STAG1: variants seen among roughly 807,000 people sequenced by gnomAD.
STAG1 encodes STAG1 cohesin complex component, also known as cohesin subunit SA-1.
Under a neutral mutation model 170.9 loss-of-function variants are expected in STAG1, and 26 were observed. That is an observed-to-expected ratio of 0.15 (90% confidence interval 0.11 to 0.21). The LOEUF is 0.21. Ranked by LOEUF, STAG1 falls within the 10% of genes least tolerant of loss-of-function variation. STAG1 has a pLI of 1.00. For missense variants in STAG1, 964 were observed against 1,509.5 expected (o/e 0.64, Z 5.99); for synonymous variants, 514 against 497.7 (o/e 1.03, Z -0.44).
chr3:136,645,598 CTTTAT>C (rs1351305838), intron 1 of STAG1, among the ~76,000 whole-genome samples: 5 of 152,196 alleles, frequency 3.3e-5, no homozygotes, highest in Admixed American at 6.5e-5. Flanking sequence ...CAAGTAACTG[CTTTAT>C]TTTAATTTGC....
chr3:136,544,793 C>G (rs547252934), intron 5 of STAG1, among the ~76,000 whole-genome samples: 4 of 151,972 alleles, frequency 2.6e-5, no homozygotes, highest in Non-Finnish European at 5.9e-5. Context: ...TTATGACACA[C>G]CATTCTTGCT....
chr3:136,721,438 G>A (rs1210248252), intron 1 of STAG1: 5 of 151,946 alleles, frequency 3.3e-5, no homozygotes, highest in African/African-American at 7.3e-5. Flanking sequence ...TTAGTACAGA[G>A]GCCATGCTAA....
intron 15 of STAG1, among the ~76,000 whole-genome samples, chr3:136,437,191 G>A (rs999886263): frequency 3.9e-5 from 6 of 152,212 alleles, no homozygotes; most frequent in Non-Finnish European, 7.3e-5. Flanking sequence ...TATAGTGGGA[G>A]TAAAATTCAC....
At chr3:136,583,089 T>C (rs1164177900) in intron 4 of STAG1, among the ~76,000 whole-genome samples, 2 of 152,176 alleles carry the variant, frequency 1.3e-5, no homozygotes, top group African/African-American at 4.8e-5. Flanking sequence ...AATATTGAAA[T>C]GAATTATTTT....
At chr3:136,658,474 C>A (rs1051095023) in intron 1 of STAG1, among the ~76,000 whole-genome samples, 21 of 151,720 alleles carry the variant, frequency 1.4e-4, no homozygotes, top group Non-Finnish European at 2.6e-4. Context: ...AACCAAAAAA[C>A]CAAATATAAC....
chr3:136,718,687 G>T (rs902710606), intron 1 of STAG1, among the ~76,000 whole-genome samples: 1 of 152,188 alleles, frequency 6.6e-6, no homozygotes, highest in Non-Finnish European at 1.5e-5. Flanking sequence ...CACTTTGGGA[G>T]GCCAAGGTGG....
intron 1 of STAG1, among the ~76,000 whole-genome samples, chr3:136,690,854 G>C (rs948946823): frequency 6.6e-6 from 1 of 151,632 alleles, no homozygotes; most frequent in Non-Finnish European, 1.5e-5. Context: ...TTCTTTGGTG[G>C]ATTTGACTAG....
chr3:136,743,441 A>C (rs1934780874), intron 1 of STAG1, among the ~76,000 whole-genome samples: 1 of 152,134 alleles, frequency 6.6e-6, no homozygotes, highest in African/African-American at 2.4e-5. Flanking sequence ...CAGACATTAG[A>C]AGGATAGCAA....
At chr3:136,519,849 G>A (rs945218973) in intron 7 of STAG1, among the ~76,000 whole-genome samples, 3 of 151,984 alleles carry the variant, frequency 2.0e-5, no homozygotes, top group Admixed American at 1.3e-4. Context: ...TGTGTCTGAT[G>A]TATGTTCTAC....
At chr3:136,588,853 T>C (rs1307030124) in intron 4 of STAG1, among the ~76,000 whole-genome samples, 2 of 152,110 alleles carry the variant, frequency 1.3e-5, no homozygotes, top group Non-Finnish European at 2.9e-5. Flanking sequence ...AACCTCCGCT[T>C]CCAGCTTCAA....
At chr3:136,453,590 C>CAAA (rs34324239) in intron 13 of STAG1, among the ~76,000 whole-genome samples, 5 of 98,430 alleles carry the variant, frequency 5.1e-5, no homozygotes, top group Non-Finnish European at 4.3e-5. Flanking sequence ...GACTATGTCT[C>CAAA]AAAAAAAAAA....
chr3:136,419,766 A>T (rs773416665), intron 20 of STAG1, among the ~76,000 whole-genome samples: 5 of 151,846 alleles, frequency 3.3e-5, no homozygotes, highest in Non-Finnish European at 7.4e-5. Flanking sequence ...CCTGGTCCCA[A>T]ATCTTATTTC....
At chr3:136,485,977 G>T (rs2090002920) in intron 9 of STAG1, among the ~76,000 whole-genome samples, 1 of 152,150 alleles carries the variant, frequency 6.6e-6, no homozygotes, top group Non-Finnish European at 1.5e-5. Context: ...GAATATTCTT[G>T]TATGTTTCTC....
chr3:136,380,611 CAGT>C (rs1937901989), intron 22 of STAG1, among the ~76,000 whole-genome samples: 1 of 152,030 alleles, frequency 6.6e-6, no homozygotes, highest in Non-Finnish European at 1.5e-5. Flanking sequence ...AAAGATAAAG[CAGT>C]AGAACTGATA....
intron 28 of STAG1, among the ~76,000 whole-genome samples, chr3:136,352,240 C>T (rs1276636575): frequency 6.6e-6 from 1 of 152,202 alleles, no homozygotes; most frequent in East Asian, 1.9e-4. Flanking sequence ...TGGCTCACTG[C>T]AACCTCTGCC....
intron 1 of STAG1, among the ~76,000 whole-genome samples, chr3:136,739,516 A>G (rs1325194898): frequency 4.0e-5 from 6 of 149,076 alleles, no homozygotes; most frequent in Middle Eastern, 7.3e-3. Context: ...AAAAAAAAAA[A>G]AAAGAAAAAA....
At chr3:136,385,755 G>A (rs1253422883) in intron 22 of STAG1, among the ~76,000 whole-genome samples, 1 of 152,148 alleles carries the variant, frequency 6.6e-6, no homozygotes, top group African/African-American at 2.4e-5. Flanking sequence ...AGGCTGGAGT[G>A]CAGTGGCACA....
chr3:136,623,312 C>T lies in STAG1; in HGVS notation c.30-64G>A, dbSNP rs565617565. 1.4e-5 allele frequency: 20 copies of T among 1,440,272 alleles called. No individual in the cohort carries two copies. The African/African-American group carries it at 2.3e-4, about 16-fold the overall frequency. The allele number at this position is 1,440,272 out of a possible 1,614,324, so 89.2% of individuals were successfully genotyped here. A position where few individuals can be genotyped will look rare whatever the true frequency, so the allele number is the denominator to read the frequency against. On this transcript the variant is annotated intron_variant, in intron 2 of 33. Coordinates refer to ENST00000383202, the MANE Select transcript of STAG1 (RefSeq NM_005862.3). The stretch of plus-strand genomic sequence containing the variant: ...AGTATAATGCATTTCTGTTTCACTA[C>T]TTTCCTTACCACCTGCTATATGGCT...
At chr3:136,664,457 G>C (rs751001386) in intron 1 of STAG1, among the ~76,000 whole-genome samples, 1 of 152,090 alleles carries the variant, frequency 6.6e-6, no homozygotes, top group Non-Finnish European at 1.5e-5. Flanking sequence ...AATAAGGCAT[G>C]ATTATTTTAG....
Sources: gnomAD v4.1 joint callset for allele counts (sites outside exome capture counted in the v4.1 genomes callset) on GRCh38, gnomAD v4.1.1 for gene constraint, MANE v1.5 for transcripts, NCBI Gene and HGNC (gene_info 2026-07-23, HGNC 2026-07-21) for gene names.